KIF24: variants seen among roughly 807,000 people sequenced by gnomAD.
KIF24 encodes the protein kinesin-like protein KIF24.
KIF24 carries 81 observed loss-of-function variants against 118.9 expected under a neutral mutation model. The observed-to-expected ratio is 0.68, with a 90% CI of 0.57 to 0.82. The LOEUF is 0.82. Ranked by LOEUF, KIF24 falls within the 40% of genes least tolerant of loss-of-function variation. The pLI is 0.00. For missense variants in KIF24, 1,560 were observed against 1,661.6 expected (o/e 0.94, Z 1.06); for synonymous variants, 599 against 610.0 (o/e 0.98, Z 0.27).
chr9:34,332,501 G>A (rs377138891), upstream of KIF24, among the ~76,000 whole-genome samples: 1 of 152,072 alleles, frequency 6.6e-6, no homozygotes, highest in Admixed American at 6.6e-5. Flanking sequence ...ACTGTCTGTC[G>A]CATGGGATAC....
At chr9:34,313,361 C>T (rs564212104) in intron 1 of KIF24, among the ~76,000 whole-genome samples, 4,096 of 152,176 alleles carry the variant, frequency 0.027, 184 homozygotes, top group African/African-American at 0.094. Context: ...GAACTCTGAG[C>T]AAATAAAATG....
intron 6 of KIF24, among the ~76,000 whole-genome samples, chr9:34,280,524 A>T (rs1227532462): frequency 6.6e-6 from 1 of 152,124 alleles, no homozygotes; most frequent in Non-Finnish European, 1.5e-5. Flanking sequence ...GGTAGGGGCA[A>T]GAGGACCACA....
intron 1 of KIF24, among the ~76,000 whole-genome samples, chr9:34,326,761 C>T (rs62556641): frequency 6.6e-6 from 1 of 151,984 alleles, no homozygotes; most frequent in Non-Finnish European, 1.5e-5. Flanking sequence ...TACTGGGCCA[C>T]ATAAAAGTGT....
chr9:34,298,269 G>A (rs1294499541), intron 3 of KIF24, among the ~76,000 whole-genome samples: 1 of 152,084 alleles, frequency 6.6e-6, no homozygotes, highest in Non-Finnish European at 1.5e-5. Context: ...CAGAGGCCGG[G>A]CGCAGTGGCT....
chr9:34,316,894 A>AC (rs145660645), intron 1 of KIF24, among the ~76,000 whole-genome samples: 3,390 of 148,084 alleles, frequency 0.023, 124 homozygotes, highest in African/African-American at 0.078. Flanking sequence ...GCCTGGTGAA[A>AC]CCCCCCGTCT....
chr9:34,310,934 TC>T lies in KIF24; in HGVS notation c.412del (p.Glu138AsnfsTer17). 1 of 1,613,826 alleles carries T rather than the reference TC, an allele frequency of 6.2e-7. No homozygotes were observed. The highest frequency in any genetic ancestry group is 1.3e-5 in the African/African-American group (1 of 75,066). ...EQKSTYLKVL[E>X]HMLPDDSQYH... ...CTGGGAATCATCTGGTAGCATGTGT[TC>T]TAGCACTTTTAGGTAAGTGGACTTC... On this transcript the variant is annotated frameshift_variant, in exon 2 of 13. Coordinates refer to ENST00000402558, the MANE Select transcript of KIF24 (RefSeq NM_194313.4). LOFTEE classifies it high-confidence loss of function.
chr9:34,332,259 G>A (rs541517672), upstream of KIF24, among the ~76,000 whole-genome samples: 4 of 152,162 alleles, frequency 2.6e-5, no homozygotes, highest in Admixed American at 6.5e-5. Flanking sequence ...CCCTTTGCTG[G>A]CAGTGCCTTG....
At chr9:34,292,124 G>A (rs1836276200) in intron 4 of KIF24, among the ~76,000 whole-genome samples, 2 of 152,134 alleles carry the variant, frequency 1.3e-5, no homozygotes, top group Non-Finnish European at 2.9e-5. Flanking sequence ...ATGCATATTT[G>A]ATGCTTCCTC....
chr9:34,300,436 T>C (rs1390779179), intron 3 of KIF24, among the ~76,000 whole-genome samples: 1 of 151,976 alleles, frequency 6.6e-6, no homozygotes, highest in African/African-American at 2.4e-5. Flanking sequence ...TGGCGTGATC[T>C]TGGCTCACTG....
chr9:34,269,462 C>A, intron 7 of KIF24, 100 bp from the exon 8 acceptor site: 1 of 526,548 alleles, frequency 1.9e-6, no homozygotes, highest in South Asian at 4.1e-5. Context: ...CTCTGTCGCC[C>A]AGGCTGGAGT....
chr9:34,272,615 T>C (rs989419812), intron 6 of KIF24, among the ~76,000 whole-genome samples: 2 of 152,042 alleles, frequency 1.3e-5, no homozygotes, highest in African/African-American at 4.8e-5. Context: ...TTACTGAGAA[T>C]AAAAAAGGCA....
chr9:34,312,760 G>A, intron 1 of KIF24, among the ~76,000 whole-genome samples: 1 of 152,068 alleles, frequency 6.6e-6, no homozygotes, highest in South Asian at 2.1e-4. Context: ...GTGCAGTGGT[G>A]GTATCTTGGC....
intron 6 of KIF24, among the ~76,000 whole-genome samples, chr9:34,273,281 C>G (rs1210830662): frequency 6.6e-6 from 1 of 151,032 alleles, no homozygotes; most frequent in African/African-American, 2.4e-5. Flanking sequence ...CCACCTCGGC[C>G]TCCCAAAATG....
intron 11 of KIF24, 44 bp downstream of exon 11, chr9:34,255,691 G>T: frequency 6.7e-7 from 1 of 1,497,790 alleles, no homozygotes; most frequent in Non-Finnish European, 9.1e-7. Context: ...AGTGGAGGGT[G>T]GGTGCCAAAG....
chr9:34,255,191 G>A (rs1348995781), intron 11 of KIF24, 26 bp from the exon 12 acceptor site: 1 of 1,388,132 alleles, frequency 7.2e-7, no homozygotes, highest in Non-Finnish European at 1.0e-6. Flanking sequence ...AGAACACTGT[G>A]ATCTTCCTGG....
At chr9:34,255,600 A>G (rs1834796184) in intron 11 of KIF24, 135 bp downstream of exon 11, 2 of 743,532 alleles carry the variant, frequency 2.7e-6, no homozygotes, top group East Asian at 5.4e-5. Flanking sequence ...ACCAAAGCAG[A>G]GGGTTGGAGC....
At chr9:34,255,548 G>A (rs1387328608) in intron 11 of KIF24, among the ~76,000 whole-genome samples, 187 bp downstream of exon 11, 1 of 152,186 alleles carries the variant, frequency 6.6e-6, no homozygotes, top group Non-Finnish European at 1.5e-5. Flanking sequence ...GGAGCCTATT[G>A]CCTGGTCTGC....
intron 8 of KIF24, among the ~76,000 whole-genome samples, chr9:34,267,346 G>A (rs2131694219): frequency 6.6e-6 from 1 of 152,180 alleles, no homozygotes; most frequent in Non-Finnish European, 1.5e-5. Flanking sequence ...GACAACACTT[G>A]AATCTCTTTT....
chr9:34,317,646 C>T (rs746688419), intron 1 of KIF24, among the ~76,000 whole-genome samples: 1 of 152,194 alleles, frequency 6.6e-6, no homozygotes, highest in African/African-American at 2.4e-5. Flanking sequence ...ATCCCACTGT[C>T]CAGCCTATCC....
Sources: allele counts gnomAD v4.1 joint callset (sites outside exome capture counted in the v4.1 genomes callset), GRCh38; gene constraint gnomAD v4.1.1; transcripts MANE v1.5; gene names NCBI Gene and HGNC (gene_info 2026-07-23, HGNC 2026-07-21).